The following COLQ variants were observed in gnomAD, a reference collection of about 807,000 sequenced individuals.
COLQ encodes collagen like tail subunit of asymmetric acetylcholinesterase.
COLQ carries 48 observed loss-of-function variants against 69.0 expected under a neutral mutation model. The observed-to-expected ratio is 0.70, with a 90% CI of 0.55 to 0.88. The LOEUF (loss-of-function observed/expected upper bound fraction) is 0.88. Among genes scored for constraint, COLQ ranks in the 40% least tolerant of loss-of-function variants. The pLI is 0.00. For missense variants in COLQ, 618 were observed against 594.6 expected, an observed-to-expected ratio of 1.04 and a Z score of -0.41; for synonymous variants, 217 against 211.2, an observed-to-expected ratio of 1.03 and a Z score of -0.24.
chr3:15,466,971 C>T (rs2062209679), intron 11 of COLQ, among the ~76,000 whole-genome samples: 1 of 152,256 alleles, frequency 6.6e-6, no homozygotes, highest in South Asian at 2.1e-4. Flanking sequence ...CTTTGGCTCT[C>T]AGCTCAAATG....
At chr3:15,507,145 C>A (rs753638240) in intron 1 of COLQ, among the ~76,000 whole-genome samples, 5 of 152,156 alleles carry the variant, frequency 3.3e-5, no homozygotes, top group Non-Finnish European at 7.3e-5. Flanking sequence ...TTTGGAAGAA[C>A]CATAATTTGT....
rs1340185122 is a variant in COLQ, at chr3:15,470,597, C to T, written c.656G>A (p.Gly219Asp). The stretch of plus-strand genomic sequence containing the variant: ...TCGGTGTCCTGCTATCCCAGGTTCA[C>T]CTTTTGGACCCATTTCACCCTGGAA... ...LGQKGEMGPK[G>D]EPGIAGHRGP... The change falls in exon 11 of 17, where the codon GGT becomes GAT. Residue 219 changes from glycine to aspartate, a missense_variant. Gly to Asp is a moderately conservative substitution (Grantham distance 94, BLOSUM62 -1). Coordinates refer to ENST00000383788, the MANE Select transcript of COLQ (RefSeq NM_005677.4). 2 of 1,613,998 alleles carry T rather than the reference C, an allele frequency of 1.2e-6. No individual in the cohort carries two copies. Among genetic ancestry groups the T allele is most frequent in the African/African-American group, 2.7e-5 (2 of 74,888 alleles).
In COLQ at chr3:15,479,393, A is replaced by G; in HGVS notation, c.322-11T>C. 1 of 1,613,918 alleles carries G rather than the reference A, an allele frequency of 6.2e-7. No homozygotes were observed. Among genetic ancestry groups the G allele is most frequent in the Non-Finnish European group, 8.5e-7 (1 of 1,179,806 alleles). ...AAGCCCCGGTGGACCCTAATCAATC[A>G]AGATAAAAAGTGAAGAAAGTATATA... On this transcript the variant is annotated splice_polypyrimidine_tract_variant and intron_variant, in intron 3 of 16. Coordinates refer to ENST00000383788, the MANE Select transcript of COLQ (RefSeq NM_005677.4).
rs2063073128 is a variant in COLQ at position 15,517,098 on chromosome 3, G to A, written c.106+4422C>T. On this transcript the variant is annotated intron_variant, in intron 1 of 16. Coordinates refer to ENST00000383788, the MANE Select transcript of COLQ (RefSeq NM_005677.4). ...CGGAGGGTTGCAGTGAGCCGAGATCGCACCACTGCACTCCAGCCTGGGCAA... is the reference window on the plus strand; with the variant it reads ...CGGAGGGTTGCAGTGAGCCGAGATCACACCACTGCACTCCAGCCTGGGCAA... Among the ~76,000 whole-genome samples, 7 of 152,216 alleles carry A rather than the reference G, an allele frequency of 4.6e-5. No homozygotes were observed. The South Asian group carries it at 1.2e-3, about 27-fold the overall frequency.
At chr3:15,488,840 T>G (rs74921184) in intron 2 of COLQ, among the ~76,000 whole-genome samples, 3,276 of 152,342 alleles carry the variant, frequency 0.022, 107 homozygotes, top group African/African-American at 0.073. Context: ...AAATCCAGTA[T>G]GTATTTTACA....
chr3:15,499,755 C>T lies in COLQ; in HGVS notation c.107-10118G>A, dbSNP rs189159563. The stretch of plus-strand genomic sequence containing the variant: ...CCTTGGAATGTGTCGTTCAGTGTCA[C>T]GGGAAGAGTACTGGCCCTGGAGTCA... On this transcript the variant is annotated intron_variant, in intron 1 of 16. Transcript: ENST00000383788. Among the ~76,000 whole-genome samples the T allele has an allele frequency of 5.9e-5, 9 of 152,348 alleles. 1 individual carries two copies. The highest frequency in any genetic ancestry group is 1.4e-4 in the African/African-American group (6 of 41,578).
chr3:15,490,164 C>T (rs778918087), intron 1 of COLQ, among the ~76,000 whole-genome samples: 25 of 152,150 alleles, frequency 1.6e-4, no homozygotes, highest in African/African-American at 4.6e-4. Flanking sequence ...TGGAGAGTTA[C>T]GGTTTAATGT....
Position 15,455,927 on chromosome 3 carries a change from AC to A in COLQ, c.1166del (p.Gly389ValfsTer37). 1 of 1,614,096 alleles carries A rather than the reference AC, an allele frequency of 6.2e-7. No homozygotes were observed. The highest frequency in any genetic ancestry group is 8.5e-7 in the Non-Finnish European group (1 of 1,179,992). ...TGCAGTCGTCACCCACATCGCTGTT[AC>A]CGTCGTCACACTCCTCCCCAGGCTG... ...LLQPGEECDD[G>X]NSDVGDDCIR... On this transcript the variant is annotated frameshift_variant, in exon 15 of 17. Transcript: ENST00000383788. LOFTEE classifies it high-confidence loss of function.
intron 1 of COLQ, among the ~76,000 whole-genome samples, chr3:15,509,194 A>AT (rs1172960352): frequency 6.6e-6 from 1 of 152,062 alleles, no homozygotes; most frequent in Non-Finnish European, 1.5e-5. Context: ...ATATTTAATC[A>AT]TTTTCCTCTG....
intron 3 of COLQ, among the ~76,000 whole-genome samples, chr3:15,486,806 T>A (rs1412266619): frequency 3.9e-5 from 6 of 152,074 alleles, no homozygotes; most frequent in Non-Finnish European, 5.9e-5. Flanking sequence ...TAATAGTGAG[T>A]GAGATGGACA....
intron 1 of COLQ, among the ~76,000 whole-genome samples, chr3:15,509,039 TAATC>T (rs1160006768): frequency 1.3e-5 from 2 of 152,150 alleles, no homozygotes; most frequent in Non-Finnish European, 2.9e-5. Flanking sequence ...AGGAGGATCT[TAATC>T]AATTCAAATG....
intron 9 of COLQ, 46 bp downstream of exon 9, chr3:15,474,182 C>T: frequency 6.2e-7 from 1 of 1,610,168 alleles, no homozygotes. Context: ...GGGGCTGCTA[C>T]TTGCACTGAC....
At position 15,521,514 on chromosome 3, in the gene COLQ, A is replaced by AT; in HGVS notation, c.106+5dup. 6.2e-7 allele frequency: 1 copy of AT among 1,614,132 alleles called. No homozygotes were observed. Among genetic ancestry groups the AT allele is most frequent in the Non-Finnish European group, 8.5e-7 (1 of 1,180,036 alleles). ...GGAAGAGAGGAAAGTTGTGGCCATC[A>AT]TTTACCTGCTGAGATTGGAAGAACG... On this transcript the variant is annotated splice_donor_region_variant and intron_variant, in intron 1 of 16. Transcript: ENST00000383788.
At chr3:15,480,631 C>G (rs1181146622) in intron 3 of COLQ, among the ~76,000 whole-genome samples, 1 of 152,062 alleles carries the variant, frequency 6.6e-6, no homozygotes, top group African/African-American at 2.4e-5. Flanking sequence ...GAATAGTGCC[C>G]CAATAAACAT....
At chr3:15,511,574 C>T (rs1284022358) in intron 1 of COLQ, among the ~76,000 whole-genome samples, 2 of 152,212 alleles carry the variant, frequency 1.3e-5, no homozygotes, top group African/African-American at 4.8e-5. Flanking sequence ...TCCTGCAGGG[C>T]CCTGCTGCTC....
rs150638728 is a variant in COLQ, at chr3:15,503,653, C to T, written c.107-14016G>A. 2.3e-3 allele frequency among the ~76,000 whole-genome samples: 348 copies of T among 152,254 alleles called. 1 individual carries two copies. Among genetic ancestry groups the T allele is most frequent in the African/African-American group, 7.8e-3 (326 of 41,532 alleles). On this transcript the variant is annotated intron_variant, in intron 1 of 16. Transcript: ENST00000383788. ...CCATTCAATCCTTTGATCCCCGCAA[C>T]AGCCCCACAAGGTATATATTAGTAC...
chr3:15,505,487 G>T (rs1036437371), intron 1 of COLQ, among the ~76,000 whole-genome samples: 2 of 152,208 alleles, frequency 1.3e-5, no homozygotes, highest in African/African-American at 4.8e-5. Context: ...CTAAAGAAAG[G>T]CATCTGCTTT....
intron 16 of COLQ, among the ~76,000 whole-genome samples, chr3:15,452,654 ACT>A (rs536418189): frequency 2.1e-3 from 319 of 151,580 alleles, no homozygotes; most frequent in African/African-American, 7.3e-3. Flanking sequence ...TGAAGAGCCA[ACT>A]CTCTGGCAGA....
At chr3:15,493,099 T>C (rs918076840) in intron 1 of COLQ, among the ~76,000 whole-genome samples, 1 of 152,190 alleles carries the variant, frequency 6.6e-6, no homozygotes, top group African/African-American at 2.4e-5. Context: ...AGGGCATTCA[T>C]GCTAATTCTG....
Sources: gnomAD v4.1 joint callset for allele counts (sites outside exome capture counted in the v4.1 genomes callset) on GRCh38, gnomAD v4.1.1 for gene constraint, MANE v1.5 for transcripts, NCBI Gene and HGNC (gene_info 2026-07-23, HGNC 2026-07-21) for gene names.